The following CCNY variants were observed in gnomAD, a reference collection of about 807,000 sequenced individuals.
CCNY encodes cyclin Y.
Under a neutral mutation model 42.8 loss-of-function variants are expected in CCNY, and 19 were observed. The ratio of observed to expected loss-of-function variants is 0.44; its 90% CI spans 0.31 to 0.65. CCNY has a LOEUF of 0.65. CCNY is among the 30% of genes least tolerant of loss of function. The probability of loss-of-function intolerance (pLI) is 0.07; values close to 1 mark genes in which losing one functional copy is unlikely to be tolerated. For missense variants in CCNY, 370 were observed against 437.3 expected (o/e 0.85, Z 1.37); for synonymous variants, 165 against 162.7 (o/e 1.01, Z -0.11).
chr10:35,357,344 C>T (rs1479701184), intron 1 of CCNY, among the ~76,000 whole-genome samples: 1 of 152,192 alleles, frequency 6.6e-6, no homozygotes, highest in African/African-American at 2.4e-5. Flanking sequence ...ACATGTCTTG[C>T]CCACTACGAT....
intron 3 of CCNY, among the ~76,000 whole-genome samples, chr10:35,319,958 A>T (rs1589034354): frequency 6.6e-6 from 1 of 152,102 alleles, no homozygotes; most frequent in East Asian, 1.9e-4. Flanking sequence ...TCAAAAAAAG[A>T]AAAAAGAAAA....
At chr10:35,488,244 T>A (rs2135374244) in intron 2 of CCNY, among the ~76,000 whole-genome samples, 1 of 152,338 alleles carries the variant, frequency 6.6e-6, no homozygotes, top group African/African-American at 2.4e-5. Context: ...TTGCACAACC[T>A]TTTAGAAATA....
At chr10:35,451,471 A>G (rs550472487) in intron 1 of CCNY, among the ~76,000 whole-genome samples, 11 of 152,314 alleles carry the variant, frequency 7.2e-5, no homozygotes, top group Admixed American at 6.5e-4. Context: ...GATGAACAGA[A>G]GGCTTATTTT....
intron 3 of CCNY, among the ~76,000 whole-genome samples, chr10:35,297,432 TG>T (rs1380032517): frequency 1.3e-5 from 2 of 152,268 alleles, no homozygotes; most frequent in East Asian, 3.9e-4. Context: ...GCATTCCCCT[TG>T]AAAACTGCCA....
At chr10:35,469,209 C>A (rs1174745006) in intron 1 of CCNY, among the ~76,000 whole-genome samples, 1 of 152,228 alleles carries the variant, frequency 6.6e-6, no homozygotes, top group Admixed American at 6.5e-5. Flanking sequence ...TGATTCGGGC[C>A]TTAGGCCGTT....
intron 1 of CCNY, among the ~76,000 whole-genome samples, chr10:35,400,311 G>C (rs1433673473): frequency 6.6e-6 from 1 of 152,028 alleles, no homozygotes. Context: ...TTCCCCTCTT[G>C]GAGAGGAAGC....
chr10:35,542,253 G>C lies in CCNY; in HGVS notation c.580-10766G>C, dbSNP rs183367142. The stretch of plus-strand genomic sequence containing the variant: ...GTAGAATGTCCCTAACTTGGGATTT[G>C]TCTGACGTTTTTGTCATGATTAGAC... On this transcript the variant is annotated intron_variant, in intron 7 of 9. Transcript: ENST00000374704. 2.0e-5 allele frequency among the ~76,000 whole-genome samples: 3 copies of C among 151,154 alleles called. No homozygotes were observed. The East Asian group carries it at 5.9e-4, about 30-fold the overall frequency.
Position 35,483,340 on chromosome 10 carries a change from C to G in CCNY, c.155-64C>G. 3.7e-6 allele frequency: 4 copies of G among 1,073,268 alleles called. No individual in the cohort carries two copies. The Admixed American group carries it at 7.7e-5, about 21-fold the overall frequency. The allele number at this position is 1,073,268 out of a possible 1,614,324, so 66.5% of individuals were successfully genotyped here. On this transcript the variant is annotated intron_variant, in intron 1 of 9. Transcript: ENST00000374704. ...ATTTAAAGTTGAAAAATAATTGAGT[C>G]AATCTTGATTCCTCTTAGTTATCAG... is the stretch of plus-strand genomic sequence containing the variant.
chr10:35,425,728 G>A (rs1838250782), intron 1 of CCNY, among the ~76,000 whole-genome samples: 1 of 152,194 alleles, frequency 6.6e-6, no homozygotes, highest in Non-Finnish European at 1.5e-5. Flanking sequence ...ACCTTGTGGA[G>A]GGAATGTAAC....
In CCNY at chr10:35,570,287, T is replaced by C. The variant is rs1841661753; in HGVS notation, c.*1117T>C. On this transcript the variant is annotated 3_prime_UTR_variant, in exon 10 of 10. Coordinates refer to ENST00000374704, the MANE Select transcript of CCNY (RefSeq NM_145012.6). ...GTGGGAAGATCATTGAAGGGAAAAA[T>C]GTTACTATTTACTGAGGTATTTTTC... 6.6e-6 allele frequency: 1 copy of C among 152,120 alleles called. No individual in the cohort carries two copies. Among genetic ancestry groups the C allele is most frequent in the African/African-American group, 2.4e-5 (1 of 41,352 alleles). The allele number at this position is 152,120 out of a possible 1,614,324, so 9.4% of individuals were successfully genotyped here.
intron 1 of CCNY, among the ~76,000 whole-genome samples, chr10:35,463,631 A>G (rs1200876053): frequency 1.3e-5 from 2 of 152,218 alleles, no homozygotes; most frequent in Admixed American, 6.5e-5. Flanking sequence ...TTAGGAAACA[A>G]CTGTCAGGCA....
intron 2 of CCNY, among the ~76,000 whole-genome samples, chr10:35,249,379 A>C (rs2095710273): frequency 6.6e-6 from 1 of 152,162 alleles, no homozygotes; most frequent in Non-Finnish European, 1.5e-5. Flanking sequence ...GTATGTATAA[A>C]ACTTCAGTGG....
Position 35,536,795 on chromosome 10 carries a change from G to T in CCNY, c.579+6552G>T, listed in dbSNP as rs570197343. 5.9e-4 allele frequency among the ~76,000 whole-genome samples: 90 copies of T among 152,310 alleles called. No homozygotes were observed. In the South Asian group the frequency reaches 0.016, roughly 27 times the overall value. ...GTATTCAAGAGGTGACTTGGGTGCT[G>T]TTAAAGGCGTTCAGTTTTATAAAGG... On this transcript the variant is annotated intron_variant, in intron 7 of 9. Coordinates refer to ENST00000374704, the MANE Select transcript of CCNY (RefSeq NM_145012.6).
intron 1 of CCNY, among the ~76,000 whole-genome samples, chr10:35,402,608 A>T (rs1484603374): frequency 1.3e-5 from 2 of 152,222 alleles, no homozygotes; most frequent in Non-Finnish European, 2.9e-5. Context: ...TTTGTTAAAG[A>T]AGGATTAGAA....
chr10:35,301,868 A>G lies in CCNY; in HGVS notation c.-9+51242A>G, dbSNP rs1196730791. Among the ~76,000 whole-genome samples the G allele has an allele frequency of 2.0e-5, 3 of 152,244 alleles. No homozygotes were observed. In the East Asian group the frequency reaches 5.8e-4, roughly 29 times the overall value. ...GGCTGGTTTCAAACTCCTGGGCTCA[A>G]GCGATCTGCCCGCCTCGGCCTCCCA... is the stretch of plus-strand genomic sequence containing the variant. On this transcript the variant is annotated intron_variant, in intron 3 of 11. Transcript: ENST00000374706.
At chr10:35,458,817 A>G (rs915927434) in intron 1 of CCNY, among the ~76,000 whole-genome samples, 1 of 152,232 alleles carries the variant, frequency 6.6e-6, no homozygotes, top group Non-Finnish European at 1.5e-5. Flanking sequence ...CCTTTCAGGG[A>G]ACCAAGGCTC....
In CCNY at chr10:35,423,192, C is replaced by T. The variant is rs145812873; in HGVS notation, c.155-60212C>T. 6.0e-3 allele frequency among the ~76,000 whole-genome samples: 908 copies of T among 151,900 alleles called. 12 individuals are homozygous for T. Among genetic ancestry groups the T allele is most frequent in the African/African-American group, 0.02 (815 of 41,418 alleles). ...CTTTTTTCATTTATTTAAAAATTTTCGGCCAGGTGTGGTAGCTCACACCTG... is the reference window on the plus strand; with the variant it reads ...CTTTTTTCATTTATTTAAAAATTTTTGGCCAGGTGTGGTAGCTCACACCTG... On this transcript the variant is annotated intron_variant, in intron 1 of 9. Coordinates refer to ENST00000374704, the MANE Select transcript of CCNY (RefSeq NM_145012.6).
intron 1 of CCNY, among the ~76,000 whole-genome samples, chr10:35,341,989 C>T (rs1467851124): frequency 6.6e-6 from 1 of 152,086 alleles, no homozygotes; most frequent in African/African-American, 2.4e-5. Flanking sequence ...ACTAGATGAA[C>T]ATCTGCAATT....
At chr10:35,504,018 G>T (rs1219104565) in intron 3 of CCNY, among the ~76,000 whole-genome samples, 10 of 152,180 alleles carry the variant, frequency 6.6e-5, no homozygotes, top group Admixed American at 6.5e-4. Flanking sequence ...ACTCTGGAGT[G>T]ATAGTTATTT....
Sources: allele counts gnomAD v4.1 joint callset (sites outside exome capture counted in the v4.1 genomes callset), GRCh38; gene constraint gnomAD v4.1.1; transcripts MANE v1.5; gene names NCBI Gene and HGNC (gene_info 2026-07-23, HGNC 2026-07-21).